Variants in SPATA6 observed in about 807,000 individuals in gnomAD.
SPATA6 encodes the protein spermatogenesis-associated protein 6.
In SPATA6, 56 loss-of-function variants were observed where a neutral mutation model predicts 65.3. That is an observed-to-expected ratio of 0.86 (90% confidence interval 0.69 to 1.07). The LOEUF (loss-of-function observed/expected upper bound fraction) is 1.07, where lower values mean the gene tolerates loss of function less well. SPATA6 is among the 50% of genes least tolerant of loss of function. The pLI is 0.00. For synonymous variants in SPATA6, 199 were observed against 213.2 expected (o/e 0.93, Z 0.58); for missense variants, 590 against 594.8 (o/e 0.99, Z 0.08).
intron 3 of SPATA6, among the ~76,000 whole-genome samples, chr1:48,417,544 G>C (rs1652888505): frequency 6.6e-6 from 1 of 152,180 alleles, no homozygotes; most frequent in African/African-American, 2.4e-5. Context: ...GGCCGGATGA[G>C]GTGGCTCATA....
chr1:48,307,071 T>C (rs984327714), intron 11 of SPATA6, among the ~76,000 whole-genome samples: 1 of 151,776 alleles, frequency 6.6e-6, no homozygotes, highest in Non-Finnish European at 1.5e-5. Flanking sequence ...TTTTTACCTA[T>C]TCCGAGAAGT....
intron 11 of SPATA6, among the ~76,000 whole-genome samples, chr1:48,321,325 G>A (rs939073232): frequency 6.6e-6 from 1 of 151,948 alleles, no homozygotes; most frequent in African/African-American, 2.4e-5. Context: ...TGAAAACAAA[G>A]GAATGGGAAA....
At chr1:48,445,464 T>G (rs1570601593) in intron 3 of SPATA6, among the ~76,000 whole-genome samples, 1 of 151,860 alleles carries the variant, frequency 6.6e-6, no homozygotes, top group East Asian at 1.9e-4. Flanking sequence ...ATCGAGACCA[T>G]CCTGGCTAAC....
At chr1:48,417,824 T>C (rs1652914643) in intron 3 of SPATA6, among the ~76,000 whole-genome samples, 1 of 152,048 alleles carries the variant, frequency 6.6e-6, no homozygotes, top group African/African-American at 2.4e-5. Context: ...CGAGACTCCA[T>C]CTCAAAAACA....
At chr1:48,345,203 C>A (rs4578259) in intron 11 of SPATA6, among the ~76,000 whole-genome samples, 3,749 of 151,898 alleles carry the variant, frequency 0.025, 98 homozygotes, top group African/African-American at 0.067. Flanking sequence ...CAAACAGATA[C>A]AATTACATAG....
intron 11 of SPATA6, among the ~76,000 whole-genome samples, chr1:48,338,964 G>T (rs957515863): frequency 2.0e-5 from 3 of 151,942 alleles, no homozygotes; most frequent in Admixed American, 6.6e-5. Context: ...GTAGAAGCTG[G>T]TCTCTGTCAT....
chr1:48,289,720 C>T, the SPATA6 span, among the ~76,000 whole-genome samples: 38 of 152,032 alleles, frequency 2.5e-4, no homozygotes, highest in Admixed American at 1.3e-4. Flanking sequence ...CTTCAGTAGC[C>T]GATTCGATCA....
In SPATA6 at chr1:48,403,372, C is replaced by T. The variant is rs150818220; in HGVS notation, c.486+430G>A. On this transcript the variant is annotated intron_variant, in intron 6 of 12. Coordinates refer to ENST00000371847, the MANE Select transcript of SPATA6 (RefSeq NM_019073.4). Reference sequence around the variant, plus strand: ...AGAGACAGTCAAGAAACCATACTCACTAAACACCAGTATCCCAGTCTGATA... The same window carrying T: ...AGAGACAGTCAAGAAACCATACTCATTAAACACCAGTATCCCAGTCTGATA... Among the ~76,000 whole-genome samples, 11 of 152,248 alleles carry T rather than the reference C, an allele frequency of 7.2e-5. No individual in the cohort carries two copies. In the East Asian group the frequency reaches 1.9e-3, roughly 27 times the overall value.
At chr1:48,348,461 G>A (rs1017506915) in intron 11 of SPATA6, among the ~76,000 whole-genome samples, 1 of 151,498 alleles carries the variant, frequency 6.6e-6, no homozygotes, top group South Asian at 2.1e-4. Flanking sequence ...CATTTAGATT[G>A]GCTTCTGTAT....
At chr1:48,294,532 C>A (rs1644788425), downstream of SPATA6, among the ~76,000 whole-genome samples, 1 of 152,284 alleles carries the variant, frequency 6.6e-6, no homozygotes, top group East Asian at 1.9e-4. Context: ...GCAGAGCTTT[C>A]ATTTGTTTTT....
At chr1:48,274,572 T>A in the SPATA6 span, among the ~76,000 whole-genome samples, 362 of 152,344 alleles carry the variant, frequency 2.4e-3, 3 homozygotes, top group African/African-American at 8.3e-3. Flanking sequence ...TAGCCAGTTT[T>A]TCCAACACCA....
At chr1:48,428,775 A>ATATGTGTGTGTG (rs374475889) in intron 3 of SPATA6, among the ~76,000 whole-genome samples, 2 of 133,496 alleles carry the variant, frequency 1.5e-5, no homozygotes, top group South Asian at 2.5e-4. Context: ...AGGTGTATAT[A>ATATGTGTGTGTG]TGTGTGTGTG....
chr1:48,385,928 T>C (rs544946932), intron 8 of SPATA6, among the ~76,000 whole-genome samples: 126 of 152,294 alleles, frequency 8.3e-4, no homozygotes, highest in African/African-American at 3.0e-3. Context: ...AATATTGTTT[T>C]AAAGATTATA....
intron 11 of SPATA6, among the ~76,000 whole-genome samples, chr1:48,308,106 C>T (rs1645106513): frequency 6.6e-6 from 1 of 151,962 alleles, no homozygotes. Flanking sequence ...GGTATGTTTA[C>T]ATACCTATAT....
chr1:48,448,206 G>A (rs1158524431), intron 3 of SPATA6, among the ~76,000 whole-genome samples: 3 of 150,854 alleles, frequency 2.0e-5, no homozygotes, highest in African/African-American at 4.9e-5. Flanking sequence ...GGCTGCAGTC[G>A]GCCATGTTCA....
chr1:48,397,365 A>C (rs1650700464), intron 7 of SPATA6, among the ~76,000 whole-genome samples: 1 of 151,710 alleles, frequency 6.6e-6, no homozygotes, highest in African/African-American at 2.4e-5. Flanking sequence ...TTCTACCACA[A>C]TAGAAAAAGA....
rs1301638255 is a variant in SPATA6 at position 48,296,538 on chromosome 1, T to C, written c.*2175A>G. Reference sequence around the variant, plus strand: ...CTGTGGTACTTATTCACTTGGGAGATTTTGGTGATAGTAAAACATTTTCTT... The same window carrying C: ...CTGTGGTACTTATTCACTTGGGAGACTTTGGTGATAGTAAAACATTTTCTT... On this transcript the variant is annotated 3_prime_UTR_variant, in exon 13 of 13. Transcript: ENST00000371847. 6.6e-6 allele frequency: 1 copy of C among 152,226 alleles called. No homozygotes were observed. Among genetic ancestry groups the C allele is most frequent in the African/African-American group, 2.4e-5 (1 of 41,464 alleles). The allele number at this position is 152,226 out of a possible 1,614,324, so 9.4% of individuals were successfully genotyped here. A position where few individuals can be genotyped will look rare whatever the true frequency, so the allele number is the denominator to read the frequency against.
chr1:48,401,196 C>A (rs893718108), intron 6 of SPATA6, among the ~76,000 whole-genome samples: 1 of 151,944 alleles, frequency 6.6e-6, no homozygotes, highest in Non-Finnish European at 1.5e-5. Flanking sequence ...ACTCTTCCCC[C>A]AAGTTCTTTA....
At chr1:48,406,804 T>C (rs1570472033) in intron 5 of SPATA6, among the ~76,000 whole-genome samples, 2 of 152,228 alleles carry the variant, frequency 1.3e-5, no homozygotes, top group South Asian at 4.1e-4. Flanking sequence ...AACCCTATGA[T>C]ATCGCCATGT....
Sources: gnomAD v4.1 joint callset for allele counts (sites outside exome capture counted in the v4.1 genomes callset) on GRCh38, gnomAD v4.1.1 for gene constraint, MANE v1.5 for transcripts, NCBI Gene and HGNC (gene_info 2026-07-23, HGNC 2026-07-21) for gene names.